The following AFF1 variants were observed in gnomAD, a reference collection of about 807,000 sequenced individuals.
AFF1 encodes AF4/FMR2 family member 1.
AFF1 carries 48 observed loss-of-function variants against 121.7 expected under a neutral mutation model. The observed-to-expected ratio is 0.39, with a 90% CI of 0.31 to 0.50. AFF1 has a LOEUF of 0.50. Among genes scored for constraint, AFF1 ranks in the 20% least tolerant of loss-of-function variants. The pLI, the probability that AFF1 is intolerant of heterozygous loss-of-function variation, is 0.76. For missense variants in AFF1, 1,523 were observed against 1,511.7 expected (o/e 1.01, Z -0.12); for synonymous variants, 613 against 563.0 (o/e 1.09, Z -1.26).
chr4:87,034,220 G>C lies in AFF1; in HGVS notation c.39-11946G>C, dbSNP rs115207540. 2.6e-3 allele frequency among the ~76,000 whole-genome samples: 391 copies of C among 152,280 alleles called. 5 individuals are homozygous for C. The highest frequency in any genetic ancestry group is 8.2e-3 in the African/African-American group (341 of 41,562). On this transcript the variant is annotated intron_variant, in intron 2 of 20. Transcript: ENST00000395146. ...GGATTAGCGATGCACAGCTTGACCTGCTCCAGGCATGAAAAGGCAGCCAGT... is the reference window on the plus strand; with the variant it reads ...GGATTAGCGATGCACAGCTTGACCTCCTCCAGGCATGAAAAGGCAGCCAGT...
In AFF1 at chr4:87,139,502, T is replaced by G. The variant is rs1324107827; in HGVS notation, c.*3801T>G. The G allele has an allele frequency of 4.3e-6, 1 of 231,658 alleles. No homozygotes were observed. Among genetic ancestry groups the G allele is most frequent in the Non-Finnish European group, 8.6e-6 (1 of 116,898 alleles). 14.4% of individuals were successfully genotyped at this position (231,658 alleles called of 1,614,324 possible). A position where few individuals can be genotyped will look rare whatever the true frequency, so the allele number is the denominator to read the frequency against. On this transcript the variant is annotated 3_prime_UTR_variant, in exon 21 of 21. Transcript: ENST00000395146. ...CCACTGATTAGCAGTATTTAAATCT[T>G]GCAAGAATATTTTGTGCTTTCTTTA...
At chr4:87,046,414 T>C in intron 3 of AFF1, 128 bp downstream of exon 3, 1 of 1,324,248 alleles carries the variant, frequency 7.6e-7, no homozygotes, top group Non-Finnish European at 1.0e-6. Context: ...TTATTCTAAC[T>C]TATTCTAGAG....
chr4:86,950,055 T>G (rs1287568606), intron 2 of AFF1: 2 of 1,613,992 alleles, frequency 1.2e-6, no homozygotes, highest in Admixed American at 3.3e-5. Flanking sequence ...AGAGGGTGAT[T>G]GATGTAATAG....
intron 4 of AFF1, among the ~76,000 whole-genome samples, chr4:87,056,947 CAG>C (rs1189151992): frequency 6.6e-6 from 1 of 152,194 alleles, no homozygotes; most frequent in Non-Finnish European, 1.5e-5. Context: ...TTTAGAGGTA[CAG>C]AGAGATTGGT....
chr4:86,981,269 C>A (rs1247519348), intron 2 of AFF1, among the ~76,000 whole-genome samples: 2 of 152,148 alleles, frequency 1.3e-5, no homozygotes, highest in African/African-American at 4.8e-5. Flanking sequence ...GCCTCAGCCT[C>A]CCAAACTTAA....
At chr4:86,989,832 A>G (rs1724559518) in intron 2 of AFF1, among the ~76,000 whole-genome samples, 1 of 152,212 alleles carries the variant, frequency 6.6e-6, no homozygotes, top group South Asian at 2.1e-4. Context: ...TATACCATGG[A>G]ATACTATGCA....
chr4:87,065,889 A>G (rs562903862), intron 4 of AFF1, among the ~76,000 whole-genome samples: 1 of 152,294 alleles, frequency 6.6e-6, no homozygotes, highest in South Asian at 2.1e-4. Context: ...ACCATCCTGT[A>G]GAAATTTTTC....
chr4:86,978,116 A>AT (rs1285383957), intron 2 of AFF1, among the ~76,000 whole-genome samples: 2 of 141,100 alleles, frequency 1.4e-5, no homozygotes, highest in Non-Finnish European at 3.1e-5. Flanking sequence ...GAATGTTAGA[A>AT]TTTTTTTAAA....
chr4:87,037,560 G>A (rs192528628), intron 2 of AFF1, among the ~76,000 whole-genome samples: 14 of 152,140 alleles, frequency 9.2e-5, no homozygotes, highest in Admixed American at 3.3e-4. Flanking sequence ...TGATCTGCCC[G>A]CCTCGGCCTC....
Position 87,137,072 on chromosome 4 carries a change from C to G in AFF1, c.*1371C>G, listed in dbSNP as rs1729358441. 4.5e-6 allele frequency: 1 copy of G among 224,370 alleles called. No homozygotes were observed. Among genetic ancestry groups the G allele is most frequent in the African/African-American group, 2.2e-5 (1 of 44,780 alleles). The allele number at this position is 224,370 out of a possible 1,614,324, so 13.9% of individuals were successfully genotyped here. On this transcript the variant is annotated 3_prime_UTR_variant, in exon 21 of 21. Transcript: ENST00000395146. ...ATCAGAAATCCCATGTGCCCATAAGCACAGATTTTTCTTTTTCATTGAAAC... is the reference window on the plus strand; with the variant it reads ...ATCAGAAATCCCATGTGCCCATAAGGACAGATTTTTCTTTTTCATTGAAAC...
chr4:87,117,866 C>T (rs188737656), intron 12 of AFF1, among the ~76,000 whole-genome samples: 84 of 152,214 alleles, frequency 5.5e-4, no homozygotes, highest in Non-Finnish European at 9.6e-4. Context: ...TCCTCATTAG[C>T]GCCCTGACTG....
At chr4:87,022,590 A>C (rs57462563) in intron 2 of AFF1, among the ~76,000 whole-genome samples, 9 of 90,536 alleles carry the variant, frequency 9.9e-5, no homozygotes, top group Non-Finnish European at 7.9e-5. Flanking sequence ...ATATCTATCT[A>C]TATCTATCTG....
At chr4:87,018,350 A>AC (rs1727561244) in intron 2 of AFF1, among the ~76,000 whole-genome samples, 2 of 152,212 alleles carry the variant, frequency 1.3e-5, no homozygotes, top group South Asian at 4.1e-4. Context: ...AGTGGCAAAA[A>AC]ACAGGATACT....
chr4:87,060,420 A>G (rs904430152), intron 4 of AFF1, among the ~76,000 whole-genome samples: 1 of 152,028 alleles, frequency 6.6e-6, no homozygotes, highest in Non-Finnish European at 1.5e-5. Context: ...AATCTAGAAA[A>G]GGATTTGCAA....
In AFF1 at chr4:87,140,875, A is replaced by G. The variant is rs1361737478; in HGVS notation, c.*5174A>G. On this transcript the variant is annotated 3_prime_UTR_variant, in exon 21 of 21. Coordinates refer to ENST00000395146, the MANE Select transcript of AFF1 (RefSeq NM_001166693.3). ...TTTTTTTTTAGAAGAAAAATCTGCA[A>G]AAGATCTTTCCAAAGACAATGTGCC... is the stretch of plus-strand genomic sequence containing the variant. The G allele has an allele frequency of 2.2e-5, 4 of 185,742 alleles. No homozygotes were observed. The East Asian group carries it at 3.5e-4, about 16-fold the overall frequency. The allele number at this position is 185,742 out of a possible 1,614,324, so 11.5% of individuals were successfully genotyped here. A position where few individuals can be genotyped will look rare whatever the true frequency, so the allele number is the denominator to read the frequency against.
At chr4:86,981,360 A>G (rs1424022335) in intron 2 of AFF1, among the ~76,000 whole-genome samples, 13 of 150,902 alleles carry the variant, frequency 8.6e-5, no homozygotes. Context: ...TTCAGTTATT[A>G]TGGTTTATTT....
At chr4:87,073,264 T>G (rs1722282270) in intron 4 of AFF1, among the ~76,000 whole-genome samples, 1 of 120,048 alleles carries the variant, frequency 8.3e-6, no homozygotes, top group Non-Finnish European at 1.6e-5. Context: ...GATTGCTCAT[T>G]ACCCAGCATT....
At chr4:86,982,330 T>C (rs1398038426) in intron 2 of AFF1, among the ~76,000 whole-genome samples, 3 of 151,214 alleles carry the variant, frequency 2.0e-5, no homozygotes, top group Non-Finnish European at 4.4e-5. Flanking sequence ...ATGTTCACAT[T>C]GTGTCAGAAA....
At chr4:87,017,862 A>G (rs1727505862) in intron 2 of AFF1, among the ~76,000 whole-genome samples, 1 of 152,024 alleles carries the variant, frequency 6.6e-6, no homozygotes, top group South Asian at 2.1e-4. Flanking sequence ...GTTTCATGAA[A>G]TGCTCTGAAA....
Sources: allele counts gnomAD v4.1 joint callset (sites outside exome capture counted in the v4.1 genomes callset), GRCh38; gene constraint gnomAD v4.1.1; transcripts MANE v1.5; gene names NCBI Gene and HGNC (gene_info 2026-07-23, HGNC 2026-07-21).